The following CRYBB1 variants were observed in gnomAD, a reference collection of about 807,000 sequenced individuals.
CRYBB1 encodes beta-crystallin B1.
In CRYBB1, 16 loss-of-function variants were observed where a neutral mutation model predicts 29.5. That is an observed-to-expected ratio of 0.54 (90% CI 0.37 to 0.82). The LOEUF (loss-of-function observed/expected upper bound fraction) is 0.82. CRYBB1 is among the 40% of genes least tolerant of loss of function. The pLI is 0.00. For missense variants in CRYBB1, 300 were observed against 350.5 expected (o/e 0.86, Z 1.15); for synonymous variants, 127 against 136.7 (o/e 0.93, Z 0.49).
intron 3 of CRYBB1, 139 bp from the exon 4 acceptor site, chr22:26,608,160 G>T: frequency 7.8e-7 from 1 of 1,278,674 alleles, no homozygotes; most frequent in South Asian, 1.3e-5. Flanking sequence ...GAACATGTCT[G>T]GGTTTGATTT....
intron 3 of CRYBB1, among the ~76,000 whole-genome samples, chr22:26,611,219 C>T (rs1276143727): frequency 1.3e-5 from 2 of 152,186 alleles, no homozygotes; most frequent in African/African-American, 4.8e-5. Flanking sequence ...GGGTAAGAGA[C>T]TCACCCCCTC....
At chr22:26,604,010 A>G (rs989337958) in intron 4 of CRYBB1, among the ~76,000 whole-genome samples, 8 of 152,232 alleles carry the variant, frequency 5.3e-5, no homozygotes, top group African/African-American at 1.7e-4. Context: ...TAATGCTTTC[A>G]TGACCCTGTA....
In CRYBB1 at chr22:26,599,350, T is replaced by C; in HGVS notation, c.*140A>G. ...CGAGGAAGTCACATCCCAGTAACTA[T>C]GGGGGACCTCAAGGCACACATCTGT... On this transcript the variant is annotated 3_prime_UTR_variant, in exon 6 of 6. Coordinates refer to ENST00000647684, the MANE Select transcript of CRYBB1 (RefSeq NM_001887.4). The C allele has an allele frequency of 1.4e-6, 1 of 738,168 alleles. No homozygotes were observed. 45.7% of individuals were successfully genotyped at this position (738,168 alleles called of 1,614,324 possible).
Position 26,604,557 on chromosome 22 carries a change from C to T in CRYBB1, c.433-2536G>A, listed in dbSNP as rs1415807952. On this transcript the variant is annotated intron_variant, in intron 4 of 5. Coordinates refer to ENST00000647684, the MANE Select transcript of CRYBB1 (RefSeq NM_001887.4). ...GGAAGGCTTCATGGAAGAAGTGACACTAGAGAGGGACCTTGGAGGTTAAGG... is the reference window on the plus strand; with the variant it reads ...GGAAGGCTTCATGGAAGAAGTGACATTAGAGAGGGACCTTGGAGGTTAAGG... Among the ~76,000 whole-genome samples the T allele has an allele frequency of 2.0e-5, 3 of 152,098 alleles. No homozygotes were observed. In the East Asian group the frequency reaches 5.8e-4, roughly 29 times the overall value.
intron 1 of CRYBB1, among the ~76,000 whole-genome samples, chr22:26,616,930 A>G (rs4822754): frequency 0.57 from 85,954 of 152,034 alleles, 24,832 homozygotes; most frequent in East Asian, 0.79. Context: ...GTATTCTGCC[A>G]TTTGCTTAAT....
intron 4 of CRYBB1, among the ~76,000 whole-genome samples, chr22:26,604,307 C>T (rs1928910307): frequency 6.6e-6 from 1 of 152,182 alleles, no homozygotes. Context: ...TAGCATAGGA[C>T]AGTTGTAGGG....
At chr22:26,613,805 A>T (rs1350997733) in intron 2 of CRYBB1, among the ~76,000 whole-genome samples, 1 of 152,238 alleles carries the variant, frequency 6.6e-6, no homozygotes, top group East Asian at 1.9e-4. Context: ...TCTGACCGCC[A>T]GTGAGCCGGG....
intron 3 of CRYBB1, among the ~76,000 whole-genome samples, chr22:26,609,736 G>A (rs1217466910): frequency 1.3e-5 from 2 of 152,198 alleles, no homozygotes; most frequent in Non-Finnish European, 2.9e-5. Flanking sequence ...GCCTTGGAAG[G>A]TGGTTTCATG....
intron 4 of CRYBB1, among the ~76,000 whole-genome samples, 170 bp from the exon 5 acceptor site, chr22:26,602,191 G>C (rs1432323151): frequency 2.0e-5 from 3 of 152,128 alleles, no homozygotes; most frequent in Non-Finnish European, 2.9e-5. Context: ...AGGAAAATGG[G>C]ATGACAACTC....
chr22:26,599,762 G>A (rs1227805209), intron 5 of CRYBB1, 89 bp from the exon 6 acceptor site: 2 of 985,696 alleles, frequency 2.0e-6, no homozygotes, highest in Non-Finnish European at 3.2e-6. Context: ...GTCCTTCATT[G>A]ATCCCTGCAG....
At chr22:26,615,536 T>C (rs1333716024) in intron 2 of CRYBB1, among the ~76,000 whole-genome samples, 1 of 151,472 alleles carries the variant, frequency 6.6e-6, no homozygotes, top group Non-Finnish European at 1.5e-5. Flanking sequence ...TTTTTTTTGA[T>C]GGAGTCTCCC....
intron 5 of CRYBB1, among the ~76,000 whole-genome samples, chr22:26,599,880 G>A (rs1928767267): frequency 6.6e-6 from 1 of 152,238 alleles, no homozygotes; most frequent in Non-Finnish European, 1.5e-5. Context: ...TAGGAAGTGA[G>A]CATGGTCACG....
intron 3 of CRYBB1, among the ~76,000 whole-genome samples, chr22:26,610,994 G>A (rs1481070795): frequency 6.6e-6 from 1 of 152,176 alleles, no homozygotes; most frequent in East Asian, 1.9e-4. Flanking sequence ...TCCTGGGGCT[G>A]CCCCTCCACC....
chr22:26,617,602 C>T (rs76892096), intron 1 of CRYBB1, among the ~76,000 whole-genome samples: 5,157 of 152,052 alleles, frequency 0.034, 148 homozygotes, highest in East Asian at 0.092. Flanking sequence ...TTCACCCTCT[C>T]CCTCTGTTCC....
chr22:26,608,132 G>A, intron 3 of CRYBB1, 111 bp from the exon 4 acceptor site: 1 of 1,515,304 alleles, frequency 6.6e-7, no homozygotes, highest in Non-Finnish European at 9.1e-7. Flanking sequence ...AGGACAGTAG[G>A]AAAGTCCAAA....
At chr22:26,617,778 TTCTC>T (rs1367299357) in intron 1 of CRYBB1, among the ~76,000 whole-genome samples, 195 bp downstream of exon 1, 13 of 152,006 alleles carry the variant, frequency 8.6e-5, no homozygotes, top group Non-Finnish European at 1.8e-4. Context: ...TTATATTTAC[TTCTC>T]TCTCTATTTC....
Position 26,607,900 on chromosome 22 carries a change from G to T in CRYBB1, c.421C>A (p.Pro141Thr). Residue 141 changes from proline (P) to threonine (T), a missense_variant, in exon 4 of 6, where the codon CCC becomes ACC. By Grantham distance (38) the Pro-to-Thr change is conservative (BLOSUM62 -1). Coordinates refer to ENST00000647684, the MANE Select transcript of CRYBB1 (RefSeq NM_001887.4). ...YRSDRLMSFR[P>T]IKMDAQEHKI... ...GGAGAGCCACTCACCATTTTGATGG[G>T]CCGGAAGGACATGAGCCGATCACTG... 6.2e-7 allele frequency: 1 copy of T among 1,614,182 alleles called. No individual in the cohort carries two copies. Among genetic ancestry groups the T allele is most frequent in the Non-Finnish European group, 8.5e-7 (1 of 1,180,048 alleles).
At chr22:26,612,334 C>T in intron 2 of CRYBB1, 144 bp from the exon 3 acceptor site, 1 of 649,280 alleles carries the variant, frequency 1.5e-6, no homozygotes, top group Non-Finnish European at 2.8e-6. Flanking sequence ...CCTGTCCTCC[C>T]ATCCCCCAAT....
chr22:26,604,322 T>C (rs1323436075), intron 4 of CRYBB1, among the ~76,000 whole-genome samples: 1 of 152,244 alleles, frequency 6.6e-6, no homozygotes, highest in Non-Finnish European at 1.5e-5. Flanking sequence ...GTAGGGATTA[T>C]GTAAAAGGCA....
Sources: allele counts gnomAD v4.1 joint callset (sites outside exome capture counted in the v4.1 genomes callset), GRCh38; gene constraint gnomAD v4.1.1; transcripts MANE v1.5; gene names NCBI Gene and HGNC (gene_info 2026-07-23, HGNC 2026-07-21).